The following THRB variants were observed in gnomAD, a reference collection of about 807,000 sequenced individuals.
The protein encoded by THRB is thyroid hormone receptor beta.
Under a neutral mutation model 47.8 loss-of-function variants are expected in THRB, and 12 were observed. That is an observed-to-expected ratio of 0.25 (90% CI 0.16 to 0.41). The LOEUF is 0.41. THRB is among the 10% of genes least tolerant of loss of function. The probability of loss-of-function intolerance (pLI) is 1.00; values close to 1 mark genes in which losing one functional copy is unlikely to be tolerated. For synonymous variants in THRB, 218 were observed against 212.2 expected (o/e 1.03, Z -0.24); for missense variants, 348 against 589.2 (o/e 0.59, Z 4.24).
At chr3:24,463,958 T>C (rs1334437204) in intron 1 of THRB, among the ~76,000 whole-genome samples, 1 of 152,142 alleles carries the variant, frequency 6.6e-6, no homozygotes, top group East Asian at 1.9e-4. Context: ...TCTTAAGAAA[T>C]GGTTGCGGCT....
rs544277767 is a variant in THRB, at chr3:24,370,463, A to T, written c.-260-33092T>A. Among the ~76,000 whole-genome samples the T allele has an allele frequency of 3.9e-5, 6 of 152,006 alleles. No homozygotes were observed. In the East Asian group the frequency reaches 1.2e-3, roughly 30 times the overall value. On this transcript the variant is annotated intron_variant, in intron 1 of 10. Coordinates refer to ENST00000646209, the MANE Select transcript of THRB (RefSeq NM_001354712.2). ...AGGACGTGTGTGAGGTGTGCACATGAGTGTGTATGAGGTGTGCACATGAGT... is the reference window on the plus strand; with the variant it reads ...AGGACGTGTGTGAGGTGTGCACATGTGTGTGTATGAGGTGTGCACATGAGT...
intron 1 of THRB, among the ~76,000 whole-genome samples, chr3:24,480,300 A>G (rs1696173354): frequency 6.6e-6 from 1 of 152,194 alleles, no homozygotes; most frequent in Non-Finnish European, 1.5e-5. Context: ...GGTCCACAGT[A>G]TCCCTTCCCT....
intron 4 of THRB, among the ~76,000 whole-genome samples, chr3:24,210,373 C>G (rs1386721393): frequency 6.6e-6 from 1 of 151,500 alleles, no homozygotes; most frequent in East Asian, 1.9e-4. Flanking sequence ...GGGAGATCCC[C>G]GGCTGGTGGA....
chr3:24,215,937 G>A (rs540822345), intron 4 of THRB, among the ~76,000 whole-genome samples: 1 of 152,206 alleles, frequency 6.6e-6, no homozygotes, highest in East Asian at 1.9e-4. Context: ...AGTGTCACCT[G>A]CCAACCAAGA....
Position 24,218,265 on chromosome 3 carries a change from C to G in THRB, c.22+10673G>C, listed in dbSNP as rs1258988731. Among the ~76,000 whole-genome samples the G allele has an allele frequency of 3.4e-5, 5 of 146,468 alleles. No individual in the cohort carries two copies. In the East Asian group the frequency reaches 1.0e-3, roughly 29 times the overall value. On this transcript the variant is annotated intron_variant, in intron 4 of 10. Transcript: ENST00000646209. ...CCTGGGCGACAGAGTAAGACTCTGT[C>G]TCAAAAAAAAACAAAAAACAAAAAA...
At chr3:24,192,565 A>C (rs547462215) in intron 4 of THRB, among the ~76,000 whole-genome samples, 1 of 152,298 alleles carries the variant, frequency 6.6e-6, no homozygotes, top group East Asian at 1.9e-4. Flanking sequence ...AAAACAGCCA[A>C]ACTGGGTAGT....
At chr3:24,360,166 G>A (rs1288255308) in intron 1 of THRB, among the ~76,000 whole-genome samples, 4 of 152,076 alleles carry the variant, frequency 2.6e-5, no homozygotes, top group Non-Finnish European at 5.9e-5. Context: ...TATCTGCTGT[G>A]CCAGGTGCTT....
intron 5 of THRB, among the ~76,000 whole-genome samples, chr3:24,162,917 A>G (rs2039095562): frequency 6.6e-6 from 1 of 152,154 alleles, no homozygotes; most frequent in Non-Finnish European, 1.5e-5. Context: ...ATAAAGAAAA[A>G]GTTAACACAG....
intron 8 of THRB, among the ~76,000 whole-genome samples, chr3:24,138,635 C>T (rs930915740): frequency 2.0e-5 from 3 of 152,168 alleles, no homozygotes; most frequent in South Asian, 4.2e-4. Context: ...CTAGATTATC[C>T]TGCCTTCTTC....
intron 1 of THRB, among the ~76,000 whole-genome samples, chr3:24,409,711 G>C (rs893083659): frequency 1.3e-5 from 2 of 151,840 alleles, no homozygotes; most frequent in Admixed American, 1.3e-4. Flanking sequence ...CATGCATTTT[G>C]AAACAAGAGA....
chr3:24,489,210 C>G (rs528427496), intron 1 of THRB, among the ~76,000 whole-genome samples: 1 of 151,782 alleles, frequency 6.6e-6, no homozygotes, highest in Non-Finnish European at 1.5e-5. Flanking sequence ...CCACTGTACT[C>G]CAGCCTGGCA....
intron 7 of THRB, among the ~76,000 whole-genome samples, chr3:24,145,709 AT>A (rs963591599): frequency 6.6e-6 from 1 of 151,694 alleles, no homozygotes; most frequent in African/African-American, 2.4e-5. Flanking sequence ...CATTTCACAG[AT>A]TTTTTTTTCT....
rs1208040688 is a variant in THRB, at chr3:24,262,092, C to T, written c.-42-33091G>A. 2.0e-5 allele frequency among the ~76,000 whole-genome samples: 3 copies of T among 152,312 alleles called. No individual in the cohort carries two copies. The East Asian group carries it at 5.8e-4, about 29-fold the overall frequency. ...CTAGACTTGTATATCTAATTGTCTA[C>T]TTTAATAAACTTGATATGTCCAAAC... On this transcript the variant is annotated intron_variant, in intron 3 of 10. Transcript: ENST00000646209.
chr3:24,486,108 T>C (rs1389725223), intron 1 of THRB, among the ~76,000 whole-genome samples: 2 of 152,148 alleles, frequency 1.3e-5, no homozygotes, highest in Non-Finnish European at 2.9e-5. Context: ...GGAGACATTT[T>C]TGATGGTCAC....
chr3:24,435,606 A>G (rs1453357883), intron 1 of THRB, among the ~76,000 whole-genome samples: 1 of 152,200 alleles, frequency 6.6e-6, no homozygotes, highest in African/African-American at 2.4e-5. Flanking sequence ...AAGTATGGGT[A>G]TATTTGCTAC....
At chr3:24,134,378 G>A (rs780358082) in intron 8 of THRB, among the ~76,000 whole-genome samples, 47 of 152,160 alleles carry the variant, frequency 3.1e-4, no homozygotes, top group Non-Finnish European at 1.3e-4. Flanking sequence ...GGAAGAGTCT[G>A]CTCCACTTCT....
At chr3:24,276,853 T>C (rs1221972598) in intron 3 of THRB, among the ~76,000 whole-genome samples, 2 of 152,256 alleles carry the variant, frequency 1.3e-5, no homozygotes, top group African/African-American at 4.8e-5. Flanking sequence ...TGGAGCAAAG[T>C]GTTGAAGAAA....
chr3:24,152,725 C>G (rs1320101236), intron 5 of THRB, among the ~76,000 whole-genome samples: 1 of 151,930 alleles, frequency 6.6e-6, no homozygotes, highest in Non-Finnish European at 1.5e-5. Flanking sequence ...CTTTGGGAGG[C>G]CCAGGCAGGT....
At chr3:24,317,930 T>C (rs994021513) in intron 2 of THRB, among the ~76,000 whole-genome samples, 9 of 152,216 alleles carry the variant, frequency 5.9e-5, no homozygotes, top group African/African-American at 2.2e-4. Flanking sequence ...TGGTGGTGTG[T>C]GACTGGAGTC....
Sources: gnomAD v4.1 joint callset for allele counts (sites outside exome capture counted in the v4.1 genomes callset) on GRCh38, gnomAD v4.1.1 for gene constraint, MANE v1.5 for transcripts, NCBI Gene and HGNC (gene_info 2026-07-23, HGNC 2026-07-21) for gene names.